The following COL19A1 variants were observed in gnomAD, a reference collection of about 807,000 sequenced individuals.
COL19A1 encodes collagen type XIX alpha 1 chain.
Under a neutral mutation model 190.2 loss-of-function variants are expected in COL19A1, and 159 were observed. The ratio of observed to expected loss-of-function variants is 0.84; its 90% confidence interval spans 0.73 to 0.95. The LOEUF (loss-of-function observed/expected upper bound fraction) is 0.95, where lower values mean the gene tolerates loss of function less well. Among genes scored for constraint, COL19A1 ranks in the 40% least tolerant of loss-of-function variants. The pLI, the probability that COL19A1 is intolerant of heterozygous loss-of-function variation, is 0.00. For missense variants in COL19A1, 1,418 were observed against 1,431.9 expected (o/e 0.99, Z 0.16); for synonymous variants, 509 against 458.9 (o/e 1.11, Z -1.39).
At chr6:70,108,805 A>T (rs1205786761) in intron 16 of COL19A1, among the ~76,000 whole-genome samples, 2 of 152,142 alleles carry the variant, frequency 1.3e-5, no homozygotes, top group Non-Finnish European at 2.9e-5. Context: ...GATTTGAAAC[A>T]TGTACATTCA....
intron 42 of COL19A1, 93 bp from the exon 43 acceptor site, chr6:70,180,219 C>G (rs1328506909): frequency 1.4e-6 from 2 of 1,398,842 alleles, no homozygotes; most frequent in Admixed American, 3.5e-5. Context: ...CCCTTGGGAG[C>G]ACTATAAACT....
chr6:70,201,973 CTT>C (rs1311890815), intron 49 of COL19A1, among the ~76,000 whole-genome samples: 7 of 152,082 alleles, frequency 4.6e-5, no homozygotes, highest in Non-Finnish European at 1.0e-4. Flanking sequence ...ATACATGTAA[CTT>C]ATAAGCTTTG....
chr6:70,140,377 A>T (rs1174178780), intron 19 of COL19A1, among the ~76,000 whole-genome samples: 1 of 151,924 alleles, frequency 6.6e-6, no homozygotes, highest in East Asian at 1.9e-4. Flanking sequence ...ATTATTTTTT[A>T]TTGTTTTTCT....
intron 14 of COL19A1, among the ~76,000 whole-genome samples, chr6:70,048,673 T>G (rs1013173159): frequency 6.6e-6 from 1 of 152,068 alleles, no homozygotes. Flanking sequence ...ATTCTTATGT[T>G]GTAATTTAAA....
chr6:69,895,694 C>T (rs1769682385), intron 2 of COL19A1, among the ~76,000 whole-genome samples: 1 of 152,172 alleles, frequency 6.6e-6, no homozygotes, highest in Non-Finnish European at 1.5e-5. Flanking sequence ...GGAGTTTCTC[C>T]AGGGACCCCC....
intron 14 of COL19A1, among the ~76,000 whole-genome samples, chr6:70,063,549 C>T (rs571733796): frequency 2.0e-5 from 3 of 152,000 alleles, no homozygotes; most frequent in South Asian, 2.1e-4. Flanking sequence ...AAAATTGACA[C>T]CCCAACATCG....
chr6:69,912,226 G>C (rs1180879119), intron 4 of COL19A1, among the ~76,000 whole-genome samples: 1 of 151,852 alleles, frequency 6.6e-6, no homozygotes, highest in African/African-American at 2.4e-5. Context: ...TCTTTTTTTG[G>C]TGGTCCAATA....
chr6:69,941,414 G>A (rs1009375842), intron 9 of COL19A1, among the ~76,000 whole-genome samples: 2 of 152,102 alleles, frequency 1.3e-5, no homozygotes, highest in African/African-American at 2.4e-5. Flanking sequence ...AAGGAGAGGT[G>A]GAGATAACTA....
At chr6:69,890,361 G>A (rs932621340) in intron 2 of COL19A1, 2 of 152,132 alleles carry the variant, frequency 1.3e-5, no homozygotes, top group African/African-American at 4.8e-5. Context: ...GCCTTGCCAA[G>A]TTTTCTTTTA....
At chr6:69,919,742 A>G (rs1369746798) in intron 4 of COL19A1, among the ~76,000 whole-genome samples, 1 of 152,138 alleles carries the variant, frequency 6.6e-6, no homozygotes, top group African/African-American at 2.4e-5. Context: ...TTGTAATTAG[A>G]TATTCCATTT....
At chr6:70,024,599 GT>G (rs1778624622) in intron 12 of COL19A1, among the ~76,000 whole-genome samples, 1 of 150,250 alleles carries the variant, frequency 6.7e-6, no homozygotes, top group Non-Finnish European at 1.5e-5. Flanking sequence ...GTGTGTGTGT[GT>G]GTGTGTGTGT....
chr6:69,921,035 CAT>C (rs1299116648), intron 4 of COL19A1, among the ~76,000 whole-genome samples: 3 of 22,770 alleles, frequency 1.3e-4, no homozygotes, highest in Admixed American at 8.0e-4. Flanking sequence ...TCATATATAT[CAT>C]ATATATTCAT....
Position 70,050,730 on chromosome 6 carries a change from TA to T in COL19A1, c.1170+14796del, listed in dbSNP as rs560708387. ...GACAGGTGGTCACCTTCTCCCATAT[TA>T]AAAATTTTCAGCAATAACAATATTA... is the stretch of plus-strand genomic sequence containing the variant. On this transcript the variant is annotated intron_variant, in intron 14 of 50. Transcript: ENST00000620364. 2.0e-4 allele frequency among the ~76,000 whole-genome samples: 31 copies of T among 152,186 alleles called. No homozygotes were observed. The East Asian group carries it at 6.0e-3, about 29-fold the overall frequency.
At chr6:70,054,249 C>T (rs1486624932) in intron 14 of COL19A1, among the ~76,000 whole-genome samples, 2 of 152,134 alleles carry the variant, frequency 1.3e-5, no homozygotes, top group Non-Finnish European at 1.5e-5. Flanking sequence ...ACTCGGGAGG[C>T]TGAGGCAGGA....
Position 70,106,976 on chromosome 6 carries a change from A to G in COL19A1, c.1278+4754A>G, listed in dbSNP as rs546992217. ...ATGAAGCAGACCAGGAGAATGTATT[A>G]CCATCACGAGCTCTGCATTAAGTAC... On this transcript the variant is annotated intron_variant, in intron 16 of 50. Coordinates refer to ENST00000620364, the MANE Select transcript of COL19A1 (RefSeq NM_001858.6). 3.3e-5 allele frequency among the ~76,000 whole-genome samples: 5 copies of G among 152,336 alleles called. No homozygotes were observed. The East Asian group carries it at 7.7e-4, about 23-fold the overall frequency.
intron 14 of COL19A1, among the ~76,000 whole-genome samples, chr6:70,063,458 A>C (rs529554870): frequency 1.1e-4 from 17 of 152,268 alleles, no homozygotes; most frequent in African/African-American, 3.6e-4. Flanking sequence ...AACATACCAG[A>C]ATCTCTGGGA....
At chr6:69,983,336 T>G (rs1776151563) in intron 11 of COL19A1, among the ~76,000 whole-genome samples, 1 of 152,174 alleles carries the variant, frequency 6.6e-6, no homozygotes, top group African/African-American at 2.4e-5. Context: ...AATACATTGA[T>G]TTTTGTTTAT....
At chr6:69,973,079 C>T (rs1371796426) in intron 11 of COL19A1, among the ~76,000 whole-genome samples, 2 of 152,206 alleles carry the variant, frequency 1.3e-5, no homozygotes, top group Non-Finnish European at 2.9e-5. Context: ...CCATGATCCT[C>T]ATTTATGTAA....
chr6:69,962,829 G>T lies in COL19A1; in HGVS notation c.985G>T (p.Glu329Ter). ...GAPGFPGQKG[E>*]QGFEGSKGET... ...ACATCATATTCCTCTTCTACAGGGA[G>T]AGCAAGGTTTTGAAGGCAGCAAAGG... The change falls in exon 11 of 51, where the codon GAG becomes TAG. Residue 329 changes from glutamate to a stop codon, truncating the protein, a stop_gained. Transcript: ENST00000620364. LOFTEE classifies it high-confidence loss of function. The T allele has an allele frequency of 6.2e-7, 1 of 1,606,690 alleles. No homozygotes were observed. Among genetic ancestry groups the T allele is most frequent in the South Asian group, 1.1e-5 (1 of 90,156 alleles).
Sources: allele counts gnomAD v4.1 joint callset (sites outside exome capture counted in the v4.1 genomes callset), GRCh38; gene constraint gnomAD v4.1.1; transcripts MANE v1.5; gene names NCBI Gene and HGNC (gene_info 2026-07-23, HGNC 2026-07-21).